The following NFATC3 variants were observed in gnomAD, a reference collection of about 807,000 sequenced individuals.
The protein encoded by NFATC3 is nuclear factor of activated T-cells, cytoplasmic 3.
Under a neutral mutation model 98.6 loss-of-function variants are expected in NFATC3, and 46 were observed. That is an observed-to-expected ratio of 0.47 (90% CI 0.37 to 0.60). The LOEUF (loss-of-function observed/expected upper bound fraction) is 0.60, where lower values mean the gene tolerates loss of function less well. Among genes scored for constraint, NFATC3 ranks in the 20% least tolerant of loss-of-function variants. NFATC3 has a pLI of 0.00. For missense variants in NFATC3, 1,256 were observed against 1,295.5 expected, an observed-to-expected ratio of 0.97 and a Z score of 0.47; for synonymous variants, 512 against 472.2, an observed-to-expected ratio of 1.08 and a Z score of -1.09.
chr16:68,138,613 A>G (rs954288821), intron 3 of NFATC3: 4 of 1,289,184 alleles, frequency 3.1e-6, no homozygotes, highest in African/African-American at 1.5e-5. Flanking sequence ...ATACTTAACT[A>G]CATTAACCTG....
chr16:68,108,178 T>C (rs1460647277), intron 1 of NFATC3, among the ~76,000 whole-genome samples: 1 of 152,204 alleles, frequency 6.6e-6, no homozygotes, highest in African/African-American at 2.4e-5. Flanking sequence ...ATTTATTGCC[T>C]AGGTTTTCTT....
chr16:68,183,195 C>T (rs1196603167), intron 7 of NFATC3, 45 bp from the exon 8 acceptor site: 1 of 1,534,616 alleles, frequency 6.5e-7, no homozygotes, highest in South Asian at 1.3e-5. Context: ...AGGTGCATTT[C>T]ATTTTTAGTT....
intron 3 of NFATC3, among the ~76,000 whole-genome samples, chr16:68,148,491 G>A (rs1352712555): frequency 6.6e-6 from 1 of 152,100 alleles, no homozygotes; most frequent in East Asian, 1.9e-4. Flanking sequence ...ACAGAAAATG[G>A]AAACATAAAT....
intron 9 of NFATC3, among the ~76,000 whole-genome samples, chr16:68,193,585 C>T: frequency 6.6e-6 from 1 of 152,170 alleles, no homozygotes; most frequent in East Asian, 1.9e-4. Context: ...GGGAGGATCG[C>T]TTGAGTCCAG....
chr16:68,209,437 T>A (rs1191959381), intron 9 of NFATC3: 1 of 173,238 alleles, frequency 5.8e-6, no homozygotes, highest in African/African-American at 2.4e-5. Context: ...CATTCAAGAT[T>A]CAGCTTCACC....
chr16:68,160,744 T>G (rs1968065), intron 4 of NFATC3, among the ~76,000 whole-genome samples: 83,737 of 151,544 alleles, frequency 0.55, 24,663 homozygotes, highest in African/African-American at 0.76. Context: ...GAGTGCAGTG[T>G]CACCATCTTA....
rs753711544 is a variant in NFATC3 at position 68,166,996 on chromosome 16, C to G, written c.1755C>G (p.Ala585=). 30 of 1,613,660 alleles carry G rather than the reference C, an allele frequency of 1.9e-5. No individual in the cohort carries two copies. In the South Asian group the frequency reaches 2.9e-4, roughly 15 times the overall value. The change falls in exon 5 of 10, where the codon GCC becomes GCG. Residue 585 remains alanine (A), a synonymous_variant. Transcript: ENST00000346183. ...GAAAAGTCCTTTCTCTGCAGATAGC[C>G]TCTATACCCGTTGAGTGCTGTAAGT... ...PSGKVLSLQI[A]SIPVECSQRS...
chr16:68,177,343 G>C (rs898066946), intron 6 of NFATC3, among the ~76,000 whole-genome samples: 1 of 152,100 alleles, frequency 6.6e-6, no homozygotes, highest in Non-Finnish European at 1.5e-5. Context: ...GAGCCTATGT[G>C]CCCGCCTGGT....
intron 3 of NFATC3, among the ~76,000 whole-genome samples, chr16:68,150,412 T>TAA (rs60606928): frequency 0.014 from 1,101 of 80,954 alleles, 18 homozygotes; most frequent in African/African-American, 0.041. Flanking sequence ...CTTCTATATC[T>TAA]AAAAAAAAAA....
intron 1 of NFATC3, among the ~76,000 whole-genome samples, chr16:68,106,173 T>C (rs1598369842): frequency 6.6e-6 from 1 of 152,160 alleles, no homozygotes; most frequent in East Asian, 1.9e-4. Context: ...CCCGATCCTG[T>C]TCATAGTATT....
intron 8 of NFATC3, 87 bp from the exon 9 acceptor site, chr16:68,190,681 C>T (rs1296244116): frequency 5.7e-6 from 8 of 1,398,034 alleles, no homozygotes; most frequent in Non-Finnish European, 7.7e-6. Flanking sequence ...TCAGCTTACG[C>T]TGTAGTTGTG....
At chr16:68,174,541 T>G (rs375058392) in intron 6 of NFATC3, 27 bp downstream of exon 6, 1 of 1,520,614 alleles carries the variant, frequency 6.6e-7, no homozygotes, top group African/African-American at 1.4e-5. Context: ...TTGATTGACT[T>G]CAAACTAAGG....
At chr16:68,176,591 AT>A (rs1230604079) in intron 6 of NFATC3, among the ~76,000 whole-genome samples, 1 of 152,186 alleles carries the variant, frequency 6.6e-6, no homozygotes, top group Admixed American at 6.5e-5. Flanking sequence ...GAATATTAAA[AT>A]TCTTAAATTT....
At chr16:68,167,062 T>A (rs1322094913) in intron 5 of NFATC3, 47 bp downstream of exon 5, 1 of 1,555,764 alleles carries the variant, frequency 6.4e-7, no homozygotes, top group East Asian at 2.3e-5. Context: ...TATAATAGCT[T>A]ATTTTCTGTT....
Position 68,122,455 on chromosome 16 carries a change from A to G in NFATC3, c.572A>G (p.Asp191Gly). 2 of 1,614,068 alleles carry G rather than the reference A, an allele frequency of 1.2e-6. No homozygotes were observed. Among genetic ancestry groups the G allele is most frequent in the Non-Finnish European group, 1.7e-6 (2 of 1,180,016 alleles). ...SCESLSHIYDDVDSELNEAAA... is the reference protein window; with the variant it reads ...SCESLSHIYDGVDSELNEAAA... ...GAATCGCTTTCACATATTTATGATG[A>G]TGTGGACTCAGAGTTGAATGAAGCT... The change falls in exon 2 of 10, where the codon GAT becomes GGT. Residue 191 changes from aspartate (D) to glycine (G), a missense_variant. Asp to Gly is a moderately conservative substitution (Grantham distance 94, BLOSUM62 -1). Transcript: ENST00000346183.
intron 6 of NFATC3, among the ~76,000 whole-genome samples, chr16:68,175,035 C>A (rs552401105): frequency 6.6e-6 from 1 of 152,246 alleles, no homozygotes; most frequent in East Asian, 1.9e-4. Context: ...TGCTCACCAA[C>A]TGATGAATGG....
chr16:68,178,955 T>G (rs1003617937), intron 6 of NFATC3, among the ~76,000 whole-genome samples: 1 of 152,212 alleles, frequency 6.6e-6, no homozygotes, highest in Non-Finnish European at 1.5e-5. Context: ...CTCCTTATTA[T>G]GGCATTCAGG....
At chr16:68,135,457 C>CAAAAAA in intron 3 of NFATC3, among the ~76,000 whole-genome samples, 1 of 78,696 alleles carries the variant, frequency 1.3e-5, no homozygotes, top group Non-Finnish European at 2.4e-5. Flanking sequence ...GACTCCGTCT[C>CAAAAAA]AAAAAAAAAA....
chr16:68,095,984 T>A (rs1321002343), intron 1 of NFATC3, among the ~76,000 whole-genome samples: 1 of 152,224 alleles, frequency 6.6e-6, no homozygotes, highest in African/African-American at 2.4e-5. Flanking sequence ...CTTATTTTAT[T>A]TTATTTCTTA....
Sources: allele counts gnomAD v4.1 joint callset (sites outside exome capture counted in the v4.1 genomes callset), GRCh38; gene constraint gnomAD v4.1.1; transcripts MANE v1.5; gene names NCBI Gene and HGNC (gene_info 2026-07-23, HGNC 2026-07-21).